The following COL25A1 variants were observed in gnomAD, a reference collection of about 807,000 sequenced individuals.
The protein encoded by COL25A1 is collagen type XXV alpha 1 chain.
In COL25A1, 103 loss-of-function variants were observed where a neutral mutation model predicts 128.4. The ratio of observed to expected loss-of-function variants is 0.80; its 90% CI spans 0.68 to 0.94. The LOEUF (loss-of-function observed/expected upper bound fraction) is 0.94. COL25A1 is among the 40% of genes least tolerant of loss of function. COL25A1 has a pLI of 0.00. For missense variants in COL25A1, 745 were observed against 840.0 expected, an observed-to-expected ratio of 0.89 and a Z score of 1.40; for synonymous variants, 279 against 277.2, an observed-to-expected ratio of 1.01 and a Z score of -0.06.
intron 6 of COL25A1, among the ~76,000 whole-genome samples, chr4:109,003,394 T>G (rs967065251): frequency 6.6e-6 from 1 of 152,262 alleles, no homozygotes; most frequent in East Asian, 1.9e-4. Context: ...TAAATAATAC[T>G]TGTTGAGTAG....
intron 13 of COL25A1, among the ~76,000 whole-genome samples, chr4:108,913,582 G>T (rs773380983): frequency 2.6e-5 from 4 of 152,086 alleles, no homozygotes; most frequent in Non-Finnish European, 5.9e-5. Flanking sequence ...CATGGCATTT[G>T]CACAGTGTTG....
intron 3 of COL25A1, among the ~76,000 whole-genome samples, chr4:109,214,049 T>C (rs1279624333): frequency 6.6e-6 from 1 of 152,114 alleles, no homozygotes; most frequent in African/African-American, 2.4e-5. Context: ...CTCAGCCGTT[T>C]GCCTGATTTC....
At chr4:109,194,542 T>C (rs991248872) in intron 3 of COL25A1, among the ~76,000 whole-genome samples, 2 of 151,686 alleles carry the variant, frequency 1.3e-5, no homozygotes, top group African/African-American at 2.4e-5. Context: ...ATGGAGTATA[T>C]AGAAGGAGTG....
intron 8 of COL25A1, among the ~76,000 whole-genome samples, chr4:108,966,227 G>A (rs1751276411): frequency 6.7e-6 from 1 of 149,932 alleles, no homozygotes; most frequent in Non-Finnish European, 1.5e-5. Flanking sequence ...TTATGTTTTG[G>A]GGGGTATTAC....
At chr4:108,818,505 A>G (rs995769687) in intron 36 of COL25A1, among the ~76,000 whole-genome samples, 3 of 152,170 alleles carry the variant, frequency 2.0e-5, no homozygotes, top group African/African-American at 7.2e-5. Flanking sequence ...AATATTTGGG[A>G]AAAACTGGTA....
At chr4:109,123,657 C>T (rs1479361183) in intron 3 of COL25A1, among the ~76,000 whole-genome samples, 2 of 151,922 alleles carry the variant, frequency 1.3e-5, no homozygotes, top group Admixed American at 1.3e-4. Context: ...TTCACAATTA[C>T]AAAGAAATAA....
At chr4:109,198,447 C>T (rs1776300516) in intron 3 of COL25A1, among the ~76,000 whole-genome samples, 1 of 152,096 alleles carries the variant, frequency 6.6e-6, no homozygotes, top group South Asian at 2.1e-4. Flanking sequence ...TTTAAGTGTT[C>T]CAAAGGAACT....
At chr4:109,241,401 T>C (rs377489799) in intron 3 of COL25A1, among the ~76,000 whole-genome samples, 13 of 152,174 alleles carry the variant, frequency 8.5e-5, no homozygotes, top group African/African-American at 3.1e-4. Context: ...CTCTCTTCAC[T>C]TTCACCTTCT....
At chr4:108,969,568 C>T (rs561239178) in intron 8 of COL25A1, among the ~76,000 whole-genome samples, 12 of 152,206 alleles carry the variant, frequency 7.9e-5, no homozygotes, top group South Asian at 4.2e-4. Context: ...AGCTTTTGTC[C>T]GTATTTTGGT....
intron 35 of COL25A1, among the ~76,000 whole-genome samples, chr4:108,823,621 C>G (rs1732029868): frequency 6.6e-6 from 1 of 152,156 alleles, no homozygotes; most frequent in Non-Finnish European, 1.5e-5. Context: ...ACACCAATAT[C>G]TCTGTTTTAA....
At chr4:109,118,454 C>T (rs949485070) in intron 3 of COL25A1, among the ~76,000 whole-genome samples, 3 of 151,760 alleles carry the variant, frequency 2.0e-5, no homozygotes, top group Non-Finnish European at 2.9e-5. Context: ...CACTACATCA[C>T]GTTGTACTTC....
chr4:108,968,418 A>G (rs1751556907), intron 8 of COL25A1, among the ~76,000 whole-genome samples: 1 of 152,064 alleles, frequency 6.6e-6, no homozygotes, highest in African/African-American at 2.4e-5. Flanking sequence ...GCAAATCCAA[A>G]GGCTTTTGAA....
intron 3 of COL25A1, among the ~76,000 whole-genome samples, chr4:109,148,499 C>T (rs544961912): frequency 1.3e-5 from 2 of 152,156 alleles, no homozygotes; most frequent in African/African-American, 2.4e-5. Flanking sequence ...GAAACGCTCC[C>T]GTGGATGCCT....
intron 37 of COL25A1, among the ~76,000 whole-genome samples, chr4:108,816,696 G>A (rs546849886): frequency 5.8e-4 from 88 of 152,148 alleles, no homozygotes; most frequent in African/African-American, 2.0e-3. Context: ...TTGACCTCTC[G>A]AATTTGTTTC....
chr4:108,846,316 G>A (rs1578524301), intron 27 of COL25A1, 97 bp from the exon 28 acceptor site: 1 of 810,430 alleles, frequency 1.2e-6, no homozygotes, highest in South Asian at 1.4e-5. Flanking sequence ...TCGTTAATAG[G>A]TGGGTTCAAT....
chr4:109,010,506 G>C (rs995876967), intron 5 of COL25A1, 131 bp from the exon 6 acceptor site: 1 of 618,224 alleles, frequency 1.6e-6, no homozygotes, highest in African/African-American at 2.0e-5. Flanking sequence ...ACTACTGACA[G>C]ATTTCACTTG....
intron 3 of COL25A1, among the ~76,000 whole-genome samples, chr4:109,155,531 C>G (rs182511475): frequency 6.6e-6 from 1 of 152,242 alleles, no homozygotes; most frequent in African/African-American, 2.4e-5. Flanking sequence ...TAACAAAATG[C>G]TAGAGAGATA....
intron 3 of COL25A1, among the ~76,000 whole-genome samples, chr4:109,083,010 C>T (rs1261461341): frequency 6.6e-6 from 1 of 152,034 alleles, no homozygotes; most frequent in Non-Finnish European, 1.5e-5. Context: ...AAAACTGTAG[C>T]ATATAAAGTA....
At chr4:108,871,513 T>A (rs1233817401) in intron 19 of COL25A1, among the ~76,000 whole-genome samples, 3 of 152,130 alleles carry the variant, frequency 2.0e-5, no homozygotes, top group Non-Finnish European at 2.9e-5. Context: ...AGACAGGGTT[T>A]CACCGTGTTA....
Sources: allele counts gnomAD v4.1 joint callset (sites outside exome capture counted in the v4.1 genomes callset), GRCh38; gene constraint gnomAD v4.1.1; transcripts MANE v1.5; gene names NCBI Gene and HGNC (gene_info 2026-07-23, HGNC 2026-07-21).